The following USP15 variants were observed in gnomAD, a reference collection of about 807,000 sequenced individuals.
USP15 encodes ubiquitin specific peptidase 15.
In USP15, 18 loss-of-function variants were observed where a neutral mutation model predicts 127.1. The ratio of observed to expected loss-of-function variants is 0.14; its 90% CI spans 0.10 to 0.21. USP15 has a LOEUF of 0.21. USP15 is among the 10% of genes least tolerant of loss of function. USP15 has a pLI of 1.00. For missense variants in USP15, 805 were observed against 1,159.9 expected, an observed-to-expected ratio of 0.69 and a Z score of 4.44; for synonymous variants, 364 against 393.7, an observed-to-expected ratio of 0.92 and a Z score of 0.89.
At chr12:62,351,339 T>G (rs979880369) in intron 7 of USP15, among the ~76,000 whole-genome samples, 7 of 151,296 alleles carry the variant, frequency 4.6e-5, no homozygotes, top group African/African-American at 1.7e-4. Context: ...TTGTATTACA[T>G]GAGAGCTTTA....
rs1194473024 is a variant in USP15 at position 62,410,677 on chromosome 12, G to C, written c.*6302G>C. The C allele has an allele frequency of 1.3e-5, 2 of 152,106 alleles. No homozygotes were observed. Among genetic ancestry groups the C allele is most frequent in the Non-Finnish European group, 2.9e-5 (2 of 68,012 alleles). 9.4% of individuals were successfully genotyped at this position (152,106 alleles called of 1,614,324 possible). A position where few individuals can be genotyped will look rare whatever the true frequency, so the allele number is the denominator to read the frequency against. ...AGCTCCAAACAGGTCATTAACCTCT[G>C]AATTACTGTTTTCACAACCATAAAA... On this transcript the variant is annotated 3_prime_UTR_variant, in exon 22 of 22. Coordinates refer to ENST00000280377, the MANE Select transcript of USP15 (RefSeq NM_001252078.2).
chr12:62,260,468 G>C lies in USP15; in HGVS notation c.54G>C (p.Thr18=), dbSNP rs781782214. 93 of 1,551,972 alleles carry C rather than the reference G, an allele frequency of 6.0e-5. 2 individuals carry two copies. The South Asian group carries it at 7.3e-4, about 12-fold the overall frequency. Residue 18 remains threonine, a synonymous_variant, in exon 1 of 22, where the codon ACG becomes ACC. Transcript: ENST00000280377. The part of the protein sequence containing the change: ...DLDTQRSDIA[T]LLKTSLRKGD... Reference sequence around the variant, plus strand: ...ACACCCAGCGGTCTGACATCGCGACGCTGCTCAAAACCTCGCTCCGGAAAG... The same window carrying C: ...ACACCCAGCGGTCTGACATCGCGACCCTGCTCAAAACCTCGCTCCGGAAAG...
intron 8 of USP15, among the ~76,000 whole-genome samples, chr12:62,368,185 G>T (rs551776037): frequency 6.6e-6 from 1 of 152,172 alleles, no homozygotes; most frequent in African/African-American, 2.4e-5. Context: ...TGTTTGTTAT[G>T]ATTTCCGTTC....
intron 2 of USP15, among the ~76,000 whole-genome samples, chr12:62,298,153 A>G (rs898927235): frequency 6.6e-6 from 1 of 152,192 alleles, no homozygotes; most frequent in African/African-American, 2.4e-5. Context: ...CTTCTGGGAC[A>G]CCATCAAATG....
chr12:62,261,074 G>A (rs952820498), intron 1 of USP15, among the ~76,000 whole-genome samples: 1 of 152,170 alleles, frequency 6.6e-6, no homozygotes. Context: ...CCTTGTCAAA[G>A]GAGGGAGAGG....
intron 1 of USP15, among the ~76,000 whole-genome samples, chr12:62,267,569 G>T (rs2063227516): frequency 6.6e-6 from 1 of 151,900 alleles, no homozygotes; most frequent in South Asian, 2.1e-4. Flanking sequence ...TTCCTCCAAG[G>T]AATGGAGAAC....
chr12:62,360,012 C>A (rs746156282), intron 8 of USP15, among the ~76,000 whole-genome samples: 27 of 152,012 alleles, frequency 1.8e-4, no homozygotes, highest in Non-Finnish European at 3.5e-4. Context: ...TTTTAATTAG[C>A]ATTAGTTCAG....
At chr12:62,326,889 T>C (rs534901668) in intron 6 of USP15, among the ~76,000 whole-genome samples, 12 of 152,098 alleles carry the variant, frequency 7.9e-5, no homozygotes, top group Non-Finnish European at 1.2e-4. Context: ...CCCAGCACTT[T>C]GGGAGGCGAA....
chr12:62,376,517 T>C (rs2066833295), intron 8 of USP15, among the ~76,000 whole-genome samples: 1 of 152,172 alleles, frequency 6.6e-6, no homozygotes, highest in African/African-American at 2.4e-5. Context: ...ACTGAAGTTT[T>C]GGCATTTGTT....
At position 62,381,472 on chromosome 12, in the gene USP15, A is replaced by T. The variant is rs771988471; in HGVS notation, c.916-18A>T. 1 of 1,564,766 alleles carries T rather than the reference A, an allele frequency of 6.4e-7. No individual in the cohort carries two copies. Among genetic ancestry groups the T allele is most frequent in the Admixed American group, 1.9e-5 (1 of 51,404 alleles). ...ATTATGATTACTTTTACTTGAAAAT[A>T]TATTTTATTTTTTGCAGTGTTTGAG... On this transcript the variant is annotated intron_variant, in intron 8 of 21. Coordinates refer to ENST00000280377, the MANE Select transcript of USP15 (RefSeq NM_001252078.2).
chr12:62,362,496 T>C (rs1157966240), intron 8 of USP15, among the ~76,000 whole-genome samples: 1 of 152,184 alleles, frequency 6.6e-6, no homozygotes, highest in Non-Finnish European at 1.5e-5. Context: ...GGAATTGCTT[T>C]TATTCTTCTG....
At chr12:62,387,531 G>C (rs1238066684) in intron 11 of USP15, among the ~76,000 whole-genome samples, 2 of 152,140 alleles carry the variant, frequency 1.3e-5, no homozygotes, top group African/African-American at 4.8e-5. Context: ...GTGTTATAAG[G>C]AAAGGGAATT....
intron 1 of USP15, among the ~76,000 whole-genome samples, chr12:62,270,775 A>G (rs368577610): frequency 2.6e-5 from 4 of 152,090 alleles, no homozygotes; most frequent in African/African-American, 9.7e-5. Flanking sequence ...GTGTCCTCCA[A>G]CAACTTTTCA....
intron 1 of USP15, among the ~76,000 whole-genome samples, chr12:62,289,045 G>C (rs2063869873): frequency 6.6e-6 from 1 of 152,112 alleles, no homozygotes; most frequent in Non-Finnish European, 1.5e-5. Flanking sequence ...TTGATCTGTA[G>C]TTTTCTTTAT....
rs368785719 is a variant in USP15, at chr12:62,302,845, G to A, written c.273G>A (p.Leu91=). 4.7e-5 allele frequency: 76 copies of A among 1,612,934 alleles called. No individual in the cohort carries two copies. The highest frequency in any genetic ancestry group is 6.2e-5 in the Non-Finnish European group (73 of 1,179,328). The change falls in exon 3 of 22, where the codon CTG becomes CTA. Residue 91 remains leucine (L), a synonymous_variant. Transcript: ENST00000280377. ...EHLIDELDYI[L]LPTEGWNKLV... ...TTATTGATGAATTGGATTACATACT[G>A]TTGCCAACTGAAGGTTGGAATAAAC...
At chr12:62,380,967 G>A (rs1268768705) in intron 8 of USP15, among the ~76,000 whole-genome samples, 1 of 152,008 alleles carries the variant, frequency 6.6e-6, no homozygotes, top group Non-Finnish European at 1.5e-5. Flanking sequence ...GTTCTCTCAG[G>A]CTCAAGTAAT....
intron 1 of USP15, among the ~76,000 whole-genome samples, chr12:62,283,369 A>G (rs1250733584): frequency 6.6e-6 from 1 of 152,208 alleles, no homozygotes; most frequent in Non-Finnish European, 1.5e-5. Flanking sequence ...CAGCAAGCTA[A>G]TAAGCAGCAT....
At chr12:62,337,785 C>G (rs953004436) in intron 6 of USP15, among the ~76,000 whole-genome samples, 1 of 151,982 alleles carries the variant, frequency 6.6e-6, no homozygotes, top group Non-Finnish European at 1.5e-5. Context: ...TCCAGCTTCA[C>G]CCATGTCCCT....
At chr12:62,327,821 A>G (rs1268507710) in intron 6 of USP15, 7 of 268,070 alleles carry the variant, frequency 2.6e-5, no homozygotes, top group Middle Eastern at 4.4e-4. Context: ...TAAGAGTCCT[A>G]TTTTTCACTG....
Sources: allele counts gnomAD v4.1 joint callset (sites outside exome capture counted in the v4.1 genomes callset), GRCh38; gene constraint gnomAD v4.1.1; transcripts MANE v1.5; gene names NCBI Gene and HGNC (gene_info 2026-07-23, HGNC 2026-07-21).